RAVER2: variants seen among roughly 807,000 people sequenced by gnomAD.
RAVER2 encodes ribonucleoprotein PTB-binding 2.
RAVER2 carries 46 observed loss-of-function variants against 78.1 expected under a neutral mutation model. That is an observed-to-expected ratio of 0.59 (90% CI 0.46 to 0.75). The LOEUF (loss-of-function observed/expected upper bound fraction) is 0.75, where lower values mean the gene tolerates loss of function less well. RAVER2 is among the 30% of genes least tolerant of loss of function. RAVER2 has a pLI of 0.00. For synonymous variants in RAVER2, 311 were observed against 313.3 expected (o/e 0.99, Z 0.08); for missense variants, 793 against 837.5 (o/e 0.95, Z 0.66).
chr1:64,776,323 A>T (rs1294758827), intron 2 of RAVER2, among the ~76,000 whole-genome samples: 5 of 152,180 alleles, frequency 3.3e-5, no homozygotes, highest in Non-Finnish European at 5.9e-5. Context: ...TTTGGAAGAG[A>T]TGTTGGAACA....
intron 10 of RAVER2, among the ~76,000 whole-genome samples, chr1:64,814,462 T>C (rs1653705100): frequency 1.3e-5 from 2 of 152,122 alleles, no homozygotes; most frequent in Non-Finnish European, 2.9e-5. Flanking sequence ...CAGGTGTCCA[T>C]TTTAAGTTGT....
At chr1:64,806,403 C>A (rs1248649539) in intron 8 of RAVER2, among the ~76,000 whole-genome samples, 1 of 152,082 alleles carries the variant, frequency 6.6e-6, no homozygotes, top group African/African-American at 2.4e-5. Context: ...GGGAATGAGA[C>A]CCTGACTCAA....
intron 9 of RAVER2, among the ~76,000 whole-genome samples, chr1:64,808,425 G>GCAA (rs1442322219): frequency 6.7e-6 from 1 of 148,800 alleles, no homozygotes; most frequent in East Asian, 2.0e-4. Context: ...AGAATGCCCT[G>GCAA]CAATTGTATA....
chr1:64,794,314 C>T (rs1056134598), intron 5 of RAVER2, among the ~76,000 whole-genome samples: 3 of 148,858 alleles, frequency 2.0e-5, no homozygotes, highest in Admixed American at 1.4e-4. Flanking sequence ...AGGAGAATGG[C>T]GTGAACCTGG....
At chr1:64,791,647 A>G (rs1280414608) in intron 5 of RAVER2, among the ~76,000 whole-genome samples, 1 of 152,214 alleles carries the variant, frequency 6.6e-6, no homozygotes, top group Non-Finnish European at 1.5e-5. Context: ...TTATGCAATT[A>G]GATATCTCTT....
intron 2 of RAVER2, among the ~76,000 whole-genome samples, chr1:64,770,959 A>G (rs1450824347): frequency 2.6e-5 from 4 of 151,958 alleles, no homozygotes; most frequent in Non-Finnish European, 5.9e-5. Flanking sequence ...TTCAAGAGCA[A>G]TTAGAGTCCC....
At chr1:64,746,729 A>G (rs1241346896) in intron 1 of RAVER2, among the ~76,000 whole-genome samples, 3 of 152,050 alleles carry the variant, frequency 2.0e-5, no homozygotes, top group East Asian at 1.9e-4. Flanking sequence ...TCCACTTCCC[A>G]TCTGTCAGGT....
chr1:64,806,179 C>T (rs187458805), intron 8 of RAVER2, among the ~76,000 whole-genome samples: 47 of 152,158 alleles, frequency 3.1e-4, no homozygotes, highest in African/African-American at 1.1e-3. Context: ...AAAAGTGGAA[C>T]GGTTCAGAAT....
At chr1:64,762,568 T>G (rs1570533245) in intron 1 of RAVER2, among the ~76,000 whole-genome samples, 1 of 151,942 alleles carries the variant, frequency 6.6e-6, no homozygotes, top group East Asian at 1.9e-4. Flanking sequence ...ACTAGACAAG[T>G]ACACTAGTGG....
chr1:64,775,042 G>T (rs1652424312), intron 2 of RAVER2, among the ~76,000 whole-genome samples: 1 of 152,156 alleles, frequency 6.6e-6, no homozygotes, highest in African/African-American at 2.4e-5. Flanking sequence ...CTGAGACGTT[G>T]CTGAAGTTGC....
intron 3 of RAVER2, among the ~76,000 whole-genome samples, chr1:64,778,796 T>C (rs1445652531): frequency 6.7e-6 from 1 of 149,312 alleles, no homozygotes; most frequent in Admixed American, 6.7e-5. Flanking sequence ...TTCTTCCTTC[T>C]CCGTTTTCCT....
At chr1:64,773,845 G>C (rs1159009865) in intron 2 of RAVER2, among the ~76,000 whole-genome samples, 2 of 152,144 alleles carry the variant, frequency 1.3e-5, no homozygotes, top group Non-Finnish European at 2.9e-5. Context: ...AGCATCTGTT[G>C]TTTCCTGACT....
At chr1:64,810,778 G>T (rs1653581729) in intron 9 of RAVER2, among the ~76,000 whole-genome samples, 1 of 152,006 alleles carries the variant, frequency 6.6e-6, no homozygotes, top group African/African-American at 2.4e-5. Context: ...GTTCATTTTT[G>T]TTGTCATTGC....
At chr1:64,820,440 AC>A (rs1653857336) in intron 11 of RAVER2, among the ~76,000 whole-genome samples, 1 of 152,202 alleles carries the variant, frequency 6.6e-6, no homozygotes, top group African/African-American at 2.4e-5. Flanking sequence ...GTTTGGGGGT[AC>A]ACGTGAATGT....
At chr1:64,810,124 G>A (rs1653563761) in intron 9 of RAVER2, among the ~76,000 whole-genome samples, 2 of 152,284 alleles carry the variant, frequency 1.3e-5, no homozygotes, top group South Asian at 4.1e-4. Context: ...ATACCATAAT[G>A]CATGTTTAAT....
At chr1:64,800,435 T>C (rs560044166) in intron 5 of RAVER2, among the ~76,000 whole-genome samples, 1 of 152,316 alleles carries the variant, frequency 6.6e-6, no homozygotes, top group South Asian at 2.1e-4. Context: ...TACATTTAAG[T>C]TTTTAATAGA....
At chr1:64,816,368 G>A (rs1229390383) in intron 11 of RAVER2, 1 of 152,126 alleles carries the variant, frequency 6.6e-6, no homozygotes, top group African/African-American at 2.4e-5. Context: ...TGTCTCCTTT[G>A]ACAGTCCCTG....
At position 64,745,540 on chromosome 1, in the gene RAVER2, T is replaced by C. The variant is rs1431806640; in HGVS notation, c.249+119T>C. The stretch of plus-strand genomic sequence containing the variant: ...TGGGGAGTGGGTCGGCGCCGAGTGG[T>C]GAGAGCGGCCCCTCGGTTTGACTGA... On this transcript the variant is annotated intron_variant, in intron 1 of 11. Transcript: ENST00000294428. This position sits in a 1 kb window ranked among gnomAD's most constrained non-coding sequence, Gnocchi z 4.3. The C allele has an allele frequency of 2.4e-6, 3 of 1,250,984 alleles. No homozygotes were observed. Among genetic ancestry groups the C allele is most frequent in the African/African-American group, 1.6e-5 (1 of 61,726 alleles). 77.5% of individuals were successfully genotyped at this position (1,250,984 alleles called of 1,614,324 possible).
intron 11 of RAVER2, among the ~76,000 whole-genome samples, chr1:64,830,573 T>C (rs1225483320): frequency 6.6e-6 from 1 of 152,244 alleles, no homozygotes; most frequent in Non-Finnish European, 1.5e-5. Flanking sequence ...TGCAGTGCTC[T>C]AATTTTTTCT....
Sources: allele counts gnomAD v4.1 joint callset (sites outside exome capture counted in the v4.1 genomes callset), GRCh38; gene constraint gnomAD v4.1.1; non-coding constraint Gnocchi (gnomAD v3.1); transcripts MANE v1.5; gene names NCBI Gene and HGNC (gene_info 2026-07-23, HGNC 2026-07-21).